The following DENND5B variants were observed in gnomAD, a reference collection of about 807,000 sequenced individuals.
DENND5B encodes DENN domain-containing protein 5B.
DENND5B carries 34 observed loss-of-function variants against 140.6 expected under a neutral mutation model. That is an observed-to-expected ratio of 0.24 (90% CI 0.18 to 0.32). The LOEUF is 0.32. Ranked by LOEUF, DENND5B falls within the 10% of genes least tolerant of loss-of-function variation. DENND5B has a pLI of 1.00. For missense variants in DENND5B, 1,142 were observed against 1,560.2 expected, an observed-to-expected ratio of 0.73 and a Z score of 4.52; for synonymous variants, 551 against 562.1, an observed-to-expected ratio of 0.98 and a Z score of 0.28.
chr12:31,492,187 A>C (rs1946552447), intron 2 of DENND5B, among the ~76,000 whole-genome samples: 1 of 152,134 alleles, frequency 6.6e-6, no homozygotes, highest in Admixed American at 6.5e-5. Context: ...ATTATTCTTC[A>C]GGGGGAAACT....
intron 1 of DENND5B, among the ~76,000 whole-genome samples, chr12:31,530,068 C>G (rs1212624270): frequency 1.3e-5 from 2 of 151,926 alleles, no homozygotes; most frequent in East Asian, 3.9e-4. Flanking sequence ...TAAAGAGGAG[C>G]AACATTTAAA....
intron 13 of DENND5B, among the ~76,000 whole-genome samples, chr12:31,411,434 TC>T (rs2137544844): frequency 7.1e-6 from 1 of 140,736 alleles, no homozygotes; most frequent in East Asian, 2.3e-4. Flanking sequence ...AACTTCCGCC[TC>T]CTGGGTTCAA....
chr12:31,427,808 A>G (rs1943317012), intron 8 of DENND5B, among the ~76,000 whole-genome samples: 1 of 152,156 alleles, frequency 6.6e-6, no homozygotes, highest in African/African-American at 2.4e-5. Flanking sequence ...CCACGGGCAC[A>G]TATGTGAAAT....
rs74490535 is a variant in DENND5B at position 31,494,176 on chromosome 12, CTAT to C, written c.237+1631_237+1633del. Among the ~76,000 whole-genome samples, 160 of 64,958 alleles carry C rather than the reference CTAT, an allele frequency of 2.5e-3. 3 individuals carry two copies. Among genetic ancestry groups the C allele is most frequent in the East Asian group, 5.6e-3 (9 of 1,598 alleles). The allele number at this position is 64,958 out of a possible 152,430, so 42.6% of individuals were successfully genotyped here. On this transcript the variant is annotated intron_variant, in intron 2 of 20. Transcript: ENST00000389082. ...TCTATCTATCTATCTATCTATCTAT[CTAT>C]CTATCCATCCATCCATCCATCCACC...
intron 1 of DENND5B, among the ~76,000 whole-genome samples, chr12:31,578,958 G>A (rs1950115315): frequency 6.6e-6 from 1 of 152,186 alleles, no homozygotes; most frequent in Non-Finnish European, 1.5e-5. Flanking sequence ...CACAGTTCAT[G>A]CCTCATAAAT....
intron 7 of DENND5B, among the ~76,000 whole-genome samples, chr12:31,436,784 C>T (rs1943779915): frequency 6.6e-6 from 1 of 152,120 alleles, no homozygotes; most frequent in South Asian, 2.1e-4. Context: ...ATCCGCCCGC[C>T]TCAGCCTCCC....
intron 17 of DENND5B, among the ~76,000 whole-genome samples, chr12:31,397,549 CAAAAAA>C (rs1223481557): frequency 2.6e-4 from 13 of 49,320 alleles, no homozygotes; most frequent in Middle Eastern, 0.029. Context: ...TTCCATCTCA[CAAAAAA>C]AAAAAAAAAA....
At chr12:31,392,591 TAA>T in intron 18 of DENND5B, 21 bp downstream of exon 18, 1 of 1,549,080 alleles carries the variant, frequency 6.5e-7, no homozygotes, top group Non-Finnish European at 8.7e-7. Flanking sequence ...CCCACTATAC[TAA>T]GTTTTATAGC....
intron 1 of DENND5B, among the ~76,000 whole-genome samples, chr12:31,570,726 G>A (rs534968338): frequency 6.6e-6 from 1 of 151,970 alleles, no homozygotes; most frequent in South Asian, 2.1e-4. Flanking sequence ...TAAAGAAAAT[G>A]AGAAATGCAC....
Position 31,398,262 on chromosome 12 carries a change from C to G in DENND5B, c.3169G>C (p.Val1057Leu), listed in dbSNP as rs768735757. The change falls in exon 17 of 21, where the codon GTA (valine) becomes CTA (leucine). Residue 1057 changes from valine (V) to leucine (L), a missense_variant. Coordinates refer to ENST00000389082, the MANE Select transcript of DENND5B (RefSeq NM_144973.4). ...LMTSASDEDLVKQCRTPPQQK... is the reference protein window; with the variant it reads ...LMTSASDEDLLKQCRTPPQQK... ...TGGGGTGGAGTCCGACACTGCTTTA[C>G]TAGATCTTCATCTGATGCTGATGTC... The G allele has an allele frequency of 8.2e-6, 13 of 1,586,050 alleles. No individual in the cohort carries two copies. Among genetic ancestry groups the G allele is most frequent in the Admixed American group, 3.6e-5 (2 of 55,798 alleles).
intron 2 of DENND5B, among the ~76,000 whole-genome samples, chr12:31,489,272 TCTCC>T (rs1359132881): frequency 6.6e-6 from 1 of 152,038 alleles, no homozygotes; most frequent in Non-Finnish European, 1.5e-5. Context: ...TCTCAGAATG[TCTCC>T]CTCCCTCCCT....
chr12:31,439,126 T>C (rs571824467), intron 7 of DENND5B, among the ~76,000 whole-genome samples: 1 of 152,356 alleles, frequency 6.6e-6, no homozygotes, highest in South Asian at 2.1e-4. Context: ...TTACTAAGCA[T>C]AATTTTACCA....
chr12:31,578,248 C>G (rs1375616288), intron 1 of DENND5B, among the ~76,000 whole-genome samples: 1 of 150,816 alleles, frequency 6.6e-6, no homozygotes, highest in Non-Finnish European at 1.5e-5. Flanking sequence ...TTTATAAATA[C>G]TCTTTCCAAA....
chr12:31,538,046 A>G (rs1948562240), intron 1 of DENND5B, among the ~76,000 whole-genome samples: 1 of 152,216 alleles, frequency 6.6e-6, no homozygotes, highest in African/African-American at 2.4e-5. Flanking sequence ...AGACCCCAAT[A>G]TAATAATAGC....
intron 1 of DENND5B, among the ~76,000 whole-genome samples, chr12:31,543,816 T>G (rs1316452081): frequency 2.0e-5 from 3 of 152,170 alleles, no homozygotes; most frequent in Non-Finnish European, 2.9e-5. Context: ...TCCAAGTATA[T>G]CACATCTCTA....
intron 17 of DENND5B, among the ~76,000 whole-genome samples, chr12:31,393,289 G>T (rs11835326): frequency 5.3e-5 from 8 of 152,074 alleles, no homozygotes; most frequent in Non-Finnish European, 1.2e-4. Context: ...CCTGGAGTTT[G>T]AAGATTTGCT....
At chr12:31,415,077 C>T (rs375488940) in intron 12 of DENND5B, among the ~76,000 whole-genome samples, 4 of 151,554 alleles carry the variant, frequency 2.6e-5, no homozygotes, top group South Asian at 2.1e-4. Context: ...ATTGCACCAC[C>T]GAATTCCAGC....
intron 7 of DENND5B, among the ~76,000 whole-genome samples, chr12:31,442,352 C>T (rs894810980): frequency 6.6e-6 from 1 of 152,200 alleles, no homozygotes; most frequent in Non-Finnish European, 1.5e-5. Context: ...TTTCAAATTT[C>T]TACCCCCCAA....
chr12:31,590,835 C>G lies in DENND5B; in HGVS notation c.-3G>C. On this transcript the variant is annotated 5_prime_UTR_variant, in exon 1 of 21. Coordinates refer to ENST00000389082, the MANE Select transcript of DENND5B (RefSeq NM_144973.4). ...GGCGCCGCGCAGCTCCCGCTCATCCCGGCCGCGCTGCTCCAGGGGCCGCCG... is the reference window on the plus strand; with the variant it reads ...GGCGCCGCGCAGCTCCCGCTCATCCGGGCCGCGCTGCTCCAGGGGCCGCCG... 8.1e-7 allele frequency: 1 copy of G among 1,238,402 alleles called. No individual in the cohort carries two copies. The highest frequency in any genetic ancestry group is 1.0e-6 in the Non-Finnish European group (1 of 994,870). The allele number at this position is 1,238,402 out of a possible 1,614,324, so 76.7% of individuals were successfully genotyped here. A position where few individuals can be genotyped will look rare whatever the true frequency, so the allele number is the denominator to read the frequency against.
Sources: allele counts gnomAD v4.1 joint callset (sites outside exome capture counted in the v4.1 genomes callset), GRCh38; gene constraint gnomAD v4.1.1; transcripts MANE v1.5; gene names NCBI Gene and HGNC (gene_info 2026-07-23, HGNC 2026-07-21).